The following GMDS variants were observed in gnomAD, a reference collection of about 807,000 sequenced individuals.
The protein encoded by GMDS is GDP-mannose 4,6-dehydratase.
Under a neutral mutation model 49.9 loss-of-function variants are expected in GMDS, and 20 were observed. That is an observed-to-expected ratio of 0.40 (90% CI 0.28 to 0.58). The LOEUF (loss-of-function observed/expected upper bound fraction) is 0.58, where lower values mean the gene tolerates loss of function less well. Among genes scored for constraint, GMDS ranks in the 20% least tolerant of loss-of-function variants. The pLI is 0.42. For missense variants in GMDS, 362 were observed against 481.4 expected, an observed-to-expected ratio of 0.75 and a Z score of 2.32; for synonymous variants, 177 against 178.6, an observed-to-expected ratio of 0.99 and a Z score of 0.07.
intron 4 of GMDS, among the ~76,000 whole-genome samples, chr6:1,961,717 G>A (rs1467992075): frequency 6.6e-6 from 1 of 152,182 alleles, no homozygotes; most frequent in Non-Finnish European, 1.5e-5. Flanking sequence ...TTTGTCACTG[G>A]TTTATTCGTA....
In GMDS at chr6:2,126,278, C is replaced by T. The variant is rs572552974; in HGVS notation, c.103-1547G>A. On this transcript the variant is annotated intron_variant, in intron 1 of 10. Coordinates refer to ENST00000380815, the MANE Select transcript of GMDS (RefSeq NM_001500.4). ...CTAGAGGGTCCCCATCCATCTCATTCAGACGAAAAGATAAAAATGGGAAGC... is the reference window on the plus strand; with the variant it reads ...CTAGAGGGTCCCCATCCATCTCATTTAGACGAAAAGATAAAAATGGGAAGC... Among the ~76,000 whole-genome samples, 3 of 152,286 alleles carry T rather than the reference C, an allele frequency of 2.0e-5. No homozygotes were observed. The Middle Eastern group carries it at 0.01, about 518-fold the overall frequency.
intron 4 of GMDS, among the ~76,000 whole-genome samples, chr6:2,005,491 A>G (rs1767103397): frequency 6.6e-6 from 1 of 152,188 alleles, no homozygotes; most frequent in African/African-American, 2.4e-5. Context: ...GACATGTAAA[A>G]TCTACTTTAA....
intron 1 of GMDS, among the ~76,000 whole-genome samples, chr6:2,136,935 C>T (rs1053914592): frequency 4.0e-5 from 6 of 149,206 alleles, no homozygotes; most frequent in African/African-American, 1.5e-4. Context: ...GAAAGAAAAA[C>T]TGATTTGACT....
chr6:1,909,473 G>A (rs1271442619), intron 7 of GMDS, among the ~76,000 whole-genome samples: 2 of 152,194 alleles, frequency 1.3e-5, no homozygotes, highest in Non-Finnish European at 2.9e-5. Flanking sequence ...TAGAAATCCT[G>A]GGATTCTCCG....
chr6:2,081,854 C>G (rs1772720569), intron 4 of GMDS, among the ~76,000 whole-genome samples: 2 of 152,124 alleles, frequency 1.3e-5, no homozygotes, highest in African/African-American at 4.8e-5. Context: ...TCTCCCCTCT[C>G]CCTCTCTCAA....
Position 1,624,497 on chromosome 6 carries a change from T to C in GMDS, c.1031A>G (p.Asn344Ser). The C allele has an allele frequency of 1.2e-6, 2 of 1,613,896 alleles. No individual in the cohort carries two copies. The highest frequency in any genetic ancestry group is 1.7e-6 in the Non-Finnish European group (2 of 1,179,818). Residue 344 changes from asparagine (N) to serine (S), a missense_variant, in exon 10 of 11, where the codon AAC becomes AGC. Asn to Ser is a conservative substitution (Grantham distance 46). Coordinates refer to ENST00000380815, the MANE Select transcript of GMDS (RefSeq NM_001500.4). ...GDCTKAKQKL[N>S]WKPRVAFDEL... is the part of the protein sequence containing the mutation. Reference sequence around the variant, plus strand: ...ATCGAAAGCGACCCGGGGCTTCCAGTTCAGCTTCTGTTTCGCTTTGGTGCA... The same window carrying C: ...ATCGAAAGCGACCCGGGGCTTCCAGCTCAGCTTCTGTTTCGCTTTGGTGCA...
intron 7 of GMDS, among the ~76,000 whole-genome samples, chr6:1,759,621 C>T (rs931054143): frequency 5.3e-5 from 8 of 152,138 alleles, no homozygotes; most frequent in East Asian, 3.8e-4. Flanking sequence ...TAGAGTCTGG[C>T]GATAGACCAC....
intron 6 of GMDS, among the ~76,000 whole-genome samples, chr6:1,951,296 A>C (rs1398236408): frequency 6.6e-6 from 1 of 152,266 alleles, no homozygotes; most frequent in Non-Finnish European, 1.5e-5. Context: ...GCAGCTAAAA[A>C]AATGCTCAAG....
At chr6:1,948,313 A>G (rs549481155) in intron 6 of GMDS, among the ~76,000 whole-genome samples, 1 of 152,348 alleles carries the variant, frequency 6.6e-6, no homozygotes, top group African/African-American at 2.4e-5. Context: ...TAAGAATGTT[A>G]TTTTGAAGAA....
intron 7 of GMDS, among the ~76,000 whole-genome samples, chr6:1,919,882 G>A (rs1349657901): frequency 6.6e-6 from 1 of 152,154 alleles, no homozygotes; most frequent in Non-Finnish European, 1.5e-5. Context: ...GAGTCACAGG[G>A]ATTTCAGGAT....
chr6:2,150,716 G>A (rs1464565491), intron 1 of GMDS, among the ~76,000 whole-genome samples: 2 of 152,136 alleles, frequency 1.3e-5, no homozygotes, highest in Non-Finnish European at 2.9e-5. Context: ...GGGTGTTTCT[G>A]CAAACTTTGA....
At chr6:1,711,592 G>A (rs567476737) in intron 9 of GMDS, among the ~76,000 whole-genome samples, 1 of 152,192 alleles carries the variant, frequency 6.6e-6, no homozygotes, top group Non-Finnish European at 1.5e-5. Flanking sequence ...CACCAAATCT[G>A]TGTATTTGTG....
intron 9 of GMDS, among the ~76,000 whole-genome samples, chr6:1,659,571 A>T (rs958306027): frequency 6.6e-6 from 1 of 152,162 alleles, no homozygotes; most frequent in African/African-American, 2.4e-5. Context: ...GGACAGGAAA[A>T]GGTTGGCAGC....
intron 9 of GMDS, among the ~76,000 whole-genome samples, chr6:1,694,008 G>A (rs1204739243): frequency 1.3e-5 from 2 of 152,196 alleles, no homozygotes; most frequent in East Asian, 1.9e-4. Flanking sequence ...TTGAAAACAA[G>A]TTTCTCCAAT....
chr6:1,924,567 C>T (rs115462327), intron 7 of GMDS, among the ~76,000 whole-genome samples: 1,552 of 152,248 alleles, frequency 0.01, 26 homozygotes, highest in African/African-American at 0.036. Context: ...TATGTTCTGG[C>T]TATAGTTGTG....
chr6:1,738,062 TAC>T (rs1767107661), intron 8 of GMDS, among the ~76,000 whole-genome samples: 2 of 111,818 alleles, frequency 1.8e-5, no homozygotes, highest in Non-Finnish European at 3.6e-5. Context: ...ACCACACACA[TAC>T]ACACATACCA....
chr6:2,111,197 A>T (rs1488243972), intron 4 of GMDS, among the ~76,000 whole-genome samples: 3 of 152,212 alleles, frequency 2.0e-5, no homozygotes, highest in Non-Finnish European at 2.9e-5. Flanking sequence ...AAAAATACAC[A>T]AACCAACCAA....
intron 7 of GMDS, among the ~76,000 whole-genome samples, chr6:1,870,270 C>T (rs1426188586): frequency 6.6e-6 from 1 of 152,200 alleles, no homozygotes; most frequent in Non-Finnish European, 1.5e-5. Context: ...GTGGTGACAG[C>T]TATGTCACTG....
intron 1 of GMDS, among the ~76,000 whole-genome samples, chr6:2,128,677 C>T (rs937700085): frequency 6.6e-6 from 1 of 152,174 alleles, no homozygotes; most frequent in Non-Finnish European, 1.5e-5. Context: ...CAAAACCCAA[C>T]AAAATAATAA....
Sources: gnomAD v4.1 joint callset for allele counts (sites outside exome capture counted in the v4.1 genomes callset) on GRCh38, gnomAD v4.1.1 for gene constraint, MANE v1.5 for transcripts, NCBI Gene and HGNC (gene_info 2026-07-23, HGNC 2026-07-21) for gene names.